Variants in PCDHGB6 observed in about 807,000 individuals in gnomAD.
PCDHGB6 encodes the protein protocadherin gamma-B6.
Under a neutral mutation model 59.1 loss-of-function variants are expected in PCDHGB6, and 51 were observed. The ratio of observed to expected loss-of-function variants is 0.86; its 90% CI spans 0.69 to 1.09. The LOEUF is 1.09. PCDHGB6 is among the 50% of genes least tolerant of loss of function. PCDHGB6 has a pLI of 0.00. For missense variants in PCDHGB6, 1,148 were observed against 1,205.1 expected (o/e 0.95, Z 0.70); for synonymous variants, 466 against 495.1 (o/e 0.94, Z 0.78).
At chr5:141,454,320 C>G (rs140074578) in intron 1 of PCDHGB6, among the ~76,000 whole-genome samples, 4 of 152,148 alleles carry the variant, frequency 2.6e-5, no homozygotes, top group Admixed American at 2.6e-4. Context: ...ATTGAAACCT[C>G]CAAGAATAAA....
chr5:141,459,617 A>G (rs900986636), intron 1 of PCDHGB6, among the ~76,000 whole-genome samples: 2 of 152,258 alleles, frequency 1.3e-5, no homozygotes, highest in African/African-American at 2.4e-5. Flanking sequence ...GCTTAACTTT[A>G]TAAGAAGCTG....
At chr5:141,446,169 C>A (rs920519501) in intron 1 of PCDHGB6, among the ~76,000 whole-genome samples, 1 of 152,014 alleles carries the variant, frequency 6.6e-6, no homozygotes, top group African/African-American at 2.4e-5. Flanking sequence ...TTCATGAGGG[C>A]AGGGGGTGTT....
rs748462670 is a variant in PCDHGB6, at chr5:141,478,010, C to T, written c.2419-16797C>T. Reference sequence around the variant, plus strand: ...GCACACTGGTCAAATCAGTACTGCCCGTCCAGTCCAAGACACAGATTCACC... The same window carrying T: ...GCACACTGGTCAAATCAGTACTGCCTGTCCAGTCCAAGACACAGATTCACC... On this transcript the variant is annotated intron_variant, in intron 1 of 3. Coordinates refer to ENST00000520790, the MANE Select transcript of PCDHGB6 (RefSeq NM_018926.3). 9 of 1,614,008 alleles carry T rather than the reference C, an allele frequency of 5.6e-6. No homozygotes were observed. The highest frequency in any genetic ancestry group is 1.7e-5 in the Admixed American group (1 of 59,998).
rs185995562 is a variant in PCDHGB6 at position 141,410,475 on chromosome 5, A to T, written c.2273A>T (p.His758Leu). 63 of 1,614,052 alleles carry T rather than the reference A, an allele frequency of 3.9e-5. No individual in the cohort carries two copies. The highest frequency in any genetic ancestry group is 3.3e-4 in the Middle Eastern group (2 of 6,062). ...TATTCTTATAATCTGTGCATTGCAC[A>T]TACGGGTACAAAAGAGTTTAATTTC... ...LPYSYNLCIA[H>L]TGTKEFNFLK... The change falls in exon 1 of 4, where the codon CAT becomes CTT. Residue 758 changes from histidine to leucine, a missense_variant. Transcript: ENST00000520790.
At position 141,408,295 on chromosome 5, in the gene PCDHGB6, G is replaced by A. The variant is rs1185231517; in HGVS notation, c.93G>A (p.Glu31=). Residue 31 remains glutamate (E), a synonymous_variant, in exon 1 of 4, where the codon GAG becomes GAA. Transcript: ENST00000520790. ...LLPLFYPTLS[E]PIRYSIPEEL... ...CTTTGTTCTACCCCACCCTGAGTGA[G>A]CCGATCCGCTACTCGATTCCGGAGG... is the stretch of plus-strand genomic sequence containing the variant. The A allele has an allele frequency of 5.0e-6, 8 of 1,613,700 alleles. No homozygotes were observed. The highest frequency in any genetic ancestry group is 2.2e-5 in the East Asian group (1 of 44,882).
At chr5:141,465,657 G>A (rs904553709) in intron 1 of PCDHGB6, among the ~76,000 whole-genome samples, 4 of 152,130 alleles carry the variant, frequency 2.6e-5, no homozygotes, top group East Asian at 1.9e-4. Flanking sequence ...CCAAAAAAGC[G>A]CTTGCCATGA....
At chr5:141,494,676 CT>C (rs2099756021) in intron 1 of PCDHGB6, 130 bp from the exon 2 acceptor site, 6 of 1,550,918 alleles carry the variant, frequency 3.9e-6, no homozygotes, top group Non-Finnish European at 4.4e-6. Context: ...GAGTCCACCC[CT>C]GCCCCCTCTT....
rs771398829 is a variant in PCDHGB6, at chr5:141,421,251, G to A, written c.2418+10631G>A. ...CCATGGCGAATCGGCTACAGCGCGG[G>A]GACCGCAGTCGGCTGCTGCTGCTGC... On this transcript the variant is annotated intron_variant, in intron 1 of 3. Transcript: ENST00000520790. 17 of 1,606,770 alleles carry A rather than the reference G, an allele frequency of 1.1e-5. No homozygotes were observed. The East Asian group carries it at 3.1e-4, about 30-fold the overall frequency.
Position 141,489,980 on chromosome 5 carries a change from T to G in PCDHGB6, c.2419-4827T>G, listed in dbSNP as rs2099694325. 1.2e-6 allele frequency: 2 copies of G among 1,614,204 alleles called. No individual in the cohort carries two copies. The highest frequency in any genetic ancestry group is 1.7e-6 in the Non-Finnish European group (2 of 1,180,012). On this transcript the variant is annotated intron_variant, in intron 1 of 3. Transcript: ENST00000520790. This position sits in a 1 kb window ranked among gnomAD's most constrained non-coding sequence, Gnocchi z 4.5. ...GCTCCAACCTTCCAATCCTCAGTTC[T>G]ACGTGTGGGAATCCCAGAGAATGCA...
chr5:141,458,578 TG>T, intron 1 of PCDHGB6, among the ~76,000 whole-genome samples: 1 of 152,138 alleles, frequency 6.6e-6, no homozygotes. Context: ...TTTGTTTGTT[TG>T]TTTGTTTTGG....
chr5:141,480,827 A>G (rs1455065731), intron 1 of PCDHGB6, among the ~76,000 whole-genome samples: 2 of 152,212 alleles, frequency 1.3e-5, no homozygotes, highest in Admixed American at 6.5e-5. Context: ...TGGGTGGATC[A>G]TAAGATCAGG....
At chr5:141,442,701 A>AG (rs1388473196) in intron 1 of PCDHGB6, among the ~76,000 whole-genome samples, 5 of 152,258 alleles carry the variant, frequency 3.3e-5, no homozygotes, top group Non-Finnish European at 7.3e-5. Flanking sequence ...AGACAAGAGT[A>AG]TCAGACATGC....
intron 1 of PCDHGB6, chr5:141,418,347 G>C: frequency 6.2e-7 from 1 of 1,614,024 alleles, no homozygotes; most frequent in Non-Finnish European, 8.5e-7. Context: ...CCTGATATTA[G>C]TATGAATTCG....
intron 1 of PCDHGB6, among the ~76,000 whole-genome samples, chr5:141,425,402 A>C (rs1288785443): frequency 6.6e-6 from 1 of 152,222 alleles, no homozygotes; most frequent in Non-Finnish European, 1.5e-5. Flanking sequence ...AAGTTCTGTT[A>C]AGGTATAACA....
Position 141,486,862 on chromosome 5 carries a change from A to G in PCDHGB6, c.2419-7945A>G. The G allele has an allele frequency of 6.2e-7, 1 of 1,614,256 alleles. No individual in the cohort carries two copies. The highest frequency in any genetic ancestry group is 1.3e-5 in the African/African-American group (1 of 75,078). On this transcript the variant is annotated intron_variant, in intron 1 of 3. Transcript: ENST00000520790. This position sits in a 1 kb window ranked among gnomAD's most constrained non-coding sequence, Gnocchi z 5.0. Reference sequence around the variant, plus strand: ...TGCTGGACCTCAATGACAATGCTCCAGCTGTGCTCCGTCCTCGGGCCCGGC... The same window carrying G: ...TGCTGGACCTCAATGACAATGCTCCGGCTGTGCTCCGTCCTCGGGCCCGGC...
chr5:141,510,194 G>A (rs920127442), intron 3 of PCDHGB6, among the ~76,000 whole-genome samples: 1 of 151,462 alleles, frequency 6.6e-6, no homozygotes, highest in Non-Finnish European at 1.5e-5. Context: ...AATCACTTGA[G>A]CCCAGGAGGC....
At chr5:141,420,010 GTC>G in intron 1 of PCDHGB6, 1 of 1,614,088 alleles carries the variant, frequency 6.2e-7, no homozygotes, top group South Asian at 1.1e-5. Context: ...GCCTGCGACA[GTC>G]TTTCAGCCCT....
Position 141,431,980 on chromosome 5 carries a change from C to G in PCDHGB6, c.2418+21360C>G. The G allele has an allele frequency of 6.2e-7, 1 of 1,614,214 alleles. No homozygotes were observed. The highest frequency in any genetic ancestry group is 8.5e-7 in the Non-Finnish European group (1 of 1,180,024). ...GAAATTACTATAGTTTAGTCACAGACATAGTCTTGGATAGGGAACAGGTTC... is the reference window on the plus strand; with the variant it reads ...GAAATTACTATAGTTTAGTCACAGAGATAGTCTTGGATAGGGAACAGGTTC... On this transcript the variant is annotated intron_variant, in intron 1 of 3. Transcript: ENST00000520790. The surrounding 1 kb of genome is among the most constrained non-coding windows in gnomAD (Gnocchi z 4.8).
intron 1 of PCDHGB6, among the ~76,000 whole-genome samples, chr5:141,450,485 T>A (rs1382219564): frequency 6.6e-6 from 1 of 152,160 alleles, no homozygotes; most frequent in Non-Finnish European, 1.5e-5. Flanking sequence ...GTTTGTTTGT[T>A]TGTCTGTTTG....
Sources: allele counts gnomAD v4.1 joint callset (sites outside exome capture counted in the v4.1 genomes callset), GRCh38; gene constraint gnomAD v4.1.1; non-coding constraint Gnocchi (gnomAD v3.1); transcripts MANE v1.5; gene names NCBI Gene and HGNC (gene_info 2026-07-23, HGNC 2026-07-21).